The following YBX2 variants were observed in gnomAD, a reference collection of about 807,000 sequenced individuals.
YBX2 encodes the protein Y-box binding protein 2.
A neutral mutation model predicts 44.4 loss-of-function variants in YBX2; 5 were observed. That is an observed-to-expected ratio of 0.11 (90% confidence interval 0.06 to 0.24). The LOEUF (loss-of-function observed/expected upper bound fraction) is 0.24. Among genes scored for constraint, YBX2 ranks in the 10% least tolerant of loss-of-function variants. The pLI is 1.00. For synonymous variants in YBX2, 188 were observed against 216.1 expected, an observed-to-expected ratio of 0.87 and a Z score of 1.14; for missense variants, 417 against 526.9, an observed-to-expected ratio of 0.79 and a Z score of 2.04.
In YBX2 at chr17:7,291,141, G is replaced by A. The variant is rs1466749767; in HGVS notation, c.411C>T (p.Ser137=). ...KRNNPRKFLR[S]VGDGETVEFD... ...ATTCCACAGTCTCCCCATCTCCAACGCTGCGCAGAAACTTCCTGGGGTTGT... is the reference window on the plus strand; with the variant it reads ...ATTCCACAGTCTCCCCATCTCCAACACTGCGCAGAAACTTCCTGGGGTTGT... Residue 137 remains serine, a synonymous_variant, in exon 4 of 9, where the codon AGC becomes AGT. Transcript: ENST00000007699. The surrounding 1 kb of genome is among the most constrained non-coding windows in gnomAD (Gnocchi z 5.8). 18 of 1,613,582 alleles carry A rather than the reference G, an allele frequency of 1.1e-5. No individual in the cohort carries two copies. The highest frequency in any genetic ancestry group is 4.5e-5 in the East Asian group (2 of 44,892).
intron 6 of YBX2, 115 bp from the exon 7 acceptor site, chr17:7,289,840 C>T: frequency 6.3e-7 from 1 of 1,585,702 alleles, no homozygotes; most frequent in Non-Finnish European, 8.6e-7. Context: ...GCACTGCCTC[C>T]CCGCAAGGCA....
Position 7,291,226 on chromosome 17 carries a change from G to C in YBX2, c.370-44C>G, listed in dbSNP as rs1233136424. On this transcript the variant is annotated intron_variant, in intron 3 of 8. Transcript: ENST00000007699. This position sits in a 1 kb window ranked among gnomAD's most constrained non-coding sequence, Gnocchi z 5.8. ...ATGTGAAAAGTGAGACAGCAAGACAGGAGTCTCTGTCACCCCTGCTGGGGC... is the reference window on the plus strand; with the variant it reads ...ATGTGAAAAGTGAGACAGCAAGACACGAGTCTCTGTCACCCCTGCTGGGGC... 1.9e-6 allele frequency: 3 copies of C among 1,594,482 alleles called. No individual in the cohort carries two copies. In the African/African-American group the frequency reaches 4.0e-5, roughly 21 times the overall value.
rs2072502309 is a variant in YBX2 at position 7,291,642 on chromosome 17, C to G, written c.369+384G>C. On this transcript the variant is annotated intron_variant, in intron 3 of 8. Transcript: ENST00000007699. This position sits in a 1 kb window ranked among gnomAD's most constrained non-coding sequence, Gnocchi z 5.8. ...CGATTGTGGAGCCCCAGCCCCAGCT[C>G]TGATTGATTCACCAGGTCTGGGGTG... 2.6e-6 allele frequency: 1 copy of G among 385,118 alleles called. No homozygotes were observed. Among genetic ancestry groups the G allele is most frequent in the African/African-American group, 2.1e-5 (1 of 48,400 alleles). 23.9% of individuals were successfully genotyped at this position (385,118 alleles called of 1,614,324 possible).
In YBX2 at chr17:7,290,524, G is replaced by T. The variant is rs1232338356; in HGVS notation, c.471C>A (p.Ala157=). 6.2e-7 allele frequency: 1 copy of T among 1,611,866 alleles called. No homozygotes were observed. Among genetic ancestry groups the T allele is most frequent in the Admixed American group, 1.7e-5 (1 of 59,918 alleles). The change falls in exon 5 of 9, where the codon GCC becomes GCA. Residue 157 remains alanine, a synonymous_variant. Transcript: ENST00000007699. The part of the protein sequence containing the change: ...DVVEGEKGAE[A]TNVTGPGGVP... ...CTCCCCCAGGCCCAGTTACATTAGT[G>T]GCTTCTGCGCCCTGGGAAGGTGGTA...
Position 7,288,386 on chromosome 17 carries a change from G to C in YBX2, c.*297C>G, listed in dbSNP as rs1407806333. ...GTGGGGGCAAGAAAAGCAACCAGGA[G>C]GAGGTAAGAGCTGGCTGGTTCCTTC... On this transcript the variant is annotated 3_prime_UTR_variant, in exon 9 of 9. Transcript: ENST00000007699. The C allele has an allele frequency of 5.7e-6, 1 of 176,878 alleles. No individual in the cohort carries two copies. Among genetic ancestry groups the C allele is most frequent in the Non-Finnish European group, 1.2e-5 (1 of 82,492 alleles). 11.0% of individuals were successfully genotyped at this position (176,878 alleles called of 1,614,324 possible).
At chr17:7,290,556 T>C in intron 4 of YBX2, 21 bp from the exon 5 acceptor site, 2 of 1,609,116 alleles carry the variant, frequency 1.2e-6, no homozygotes, top group Non-Finnish European at 1.7e-6. Flanking sequence ...GGTAAGGGAA[T>C]AGTGAGAACC....
chr17:7,290,207 C>T (rs1367187379), intron 5 of YBX2, 44 bp downstream of exon 5: 1 of 1,607,674 alleles, frequency 6.2e-7, no homozygotes, highest in Non-Finnish European at 8.5e-7. Context: ...CCACTCCTCT[C>T]CTGAACTTGG....
Position 7,294,114 on chromosome 17 carries a change from G to A in YBX2, c.271+116C>T. 8.9e-7 allele frequency: 1 copy of A among 1,126,506 alleles called. No individual in the cohort carries two copies. 69.8% of individuals were successfully genotyped at this position (1,126,506 alleles called of 1,614,324 possible). On this transcript the variant is annotated intron_variant, in intron 1 of 8. Coordinates refer to ENST00000007699, the MANE Select transcript of YBX2 (RefSeq NM_015982.4). This position sits in a 1 kb window ranked among gnomAD's most constrained non-coding sequence, Gnocchi z 4.6. ...GTGCGCAGCTCCCAGCCCAGTTAGC[G>A]CTCTGGGCCTGCGGGCCAGGCCGCC...
chr17:7,291,019 C>T lies in YBX2; in HGVS notation c.459+74G>A. The T allele has an allele frequency of 6.7e-7, 1 of 1,484,208 alleles. No homozygotes were observed. The highest frequency in any genetic ancestry group is 1.1e-5 in the South Asian group (1 of 88,396). The allele number at this position is 1,484,208 out of a possible 1,614,324, so 91.9% of individuals were successfully genotyped here. A position where few individuals can be genotyped will look rare whatever the true frequency, so the allele number is the denominator to read the frequency against. On this transcript the variant is annotated intron_variant, in intron 4 of 8. Coordinates refer to ENST00000007699, the MANE Select transcript of YBX2 (RefSeq NM_015982.4). The surrounding 1 kb of genome is among the most constrained non-coding windows in gnomAD (Gnocchi z 5.8). ...GGGTCAGAGCTGGCCCCAGGAGGGT[C>T]TTAGCCTGTGATGACCTCCAGGCCA...
At position 7,294,590 on chromosome 17, in the gene YBX2, C is replaced by A; in HGVS notation, c.-90G>T. 1 of 1,237,920 alleles carries A rather than the reference C, an allele frequency of 8.1e-7. No homozygotes were observed. The highest frequency in any genetic ancestry group is 1.0e-6 in the Non-Finnish European group (1 of 989,174). The allele number at this position is 1,237,920 out of a possible 1,614,324, so 76.7% of individuals were successfully genotyped here. A position where few individuals can be genotyped will look rare whatever the true frequency, so the allele number is the denominator to read the frequency against. Reference sequence around the variant, plus strand: ...CACCGCCCTGCTCGGTCCTCGCGCCCCGAGCCTCGCCCACACGCCGGCAGC... The same window carrying A: ...CACCGCCCTGCTCGGTCCTCGCGCCACGAGCCTCGCCCACACGCCGGCAGC... On this transcript the variant is annotated 5_prime_UTR_variant, in exon 1 of 9. Coordinates refer to ENST00000007699, the MANE Select transcript of YBX2 (RefSeq NM_015982.4). This position sits in a 1 kb window ranked among gnomAD's most constrained non-coding sequence, Gnocchi z 4.6.
chr17:7,288,514 G>T lies in YBX2; in HGVS notation c.*169C>A, dbSNP rs933793136. 15 of 429,580 alleles carry T rather than the reference G, an allele frequency of 3.5e-5. No homozygotes were observed. Among genetic ancestry groups the T allele is most frequent in the Non-Finnish European group, 1.3e-5 (3 of 232,524 alleles). 26.6% of individuals were successfully genotyped at this position (429,580 alleles called of 1,614,324 possible). On this transcript the variant is annotated 3_prime_UTR_variant, in exon 9 of 9. Coordinates refer to ENST00000007699, the MANE Select transcript of YBX2 (RefSeq NM_015982.4). ...AGGGAAGAAAAAAGAAAAAGCAAAA[G>T]GCTGCTGCTTTGGTCCTCCTGAGTC...
chr17:7,293,826 A>C, intron 1 of YBX2: 1 of 579,364 alleles, frequency 1.7e-6, no homozygotes, highest in Non-Finnish European at 3.0e-6. Flanking sequence ...CTGGGTACTC[A>C]CCTGGTCTGC....
rs2072487755 is a variant in YBX2, at chr17:7,289,953, G to C, written c.848+15C>G. Reference sequence around the variant, plus strand: ...ACTGGAAGGGGAAGACCAAGCCCCAGCAGGGGGGTCTTACCTTCGGTACCT... The same window carrying C: ...ACTGGAAGGGGAAGACCAAGCCCCACCAGGGGGGTCTTACCTTCGGTACCT... On this transcript the variant is annotated intron_variant, in intron 6 of 8. Coordinates refer to ENST00000007699, the MANE Select transcript of YBX2 (RefSeq NM_015982.4). The C allele has an allele frequency of 4.3e-6, 7 of 1,613,530 alleles. No homozygotes were observed. The highest frequency in any genetic ancestry group is 5.1e-6 in the Non-Finnish European group (6 of 1,179,454).
chr17:7,292,873 G>A (rs745516560), intron 2 of YBX2: 5 of 161,162 alleles, frequency 3.1e-5, no homozygotes, highest in Admixed American at 1.8e-4. Flanking sequence ...GAGCCAGGCC[G>A]GGCAGGATGC....
At chr17:7,289,784 C>G in intron 6 of YBX2, 59 bp from the exon 7 acceptor site, 3 of 1,604,682 alleles carry the variant, frequency 1.9e-6, no homozygotes, top group Non-Finnish European at 2.6e-6. Context: ...CAGGGCTCAC[C>G]CAGCTGCCCC....
intron 8 of YBX2, 28 bp downstream of exon 8, chr17:7,288,718 GGCC>G (rs2072473283): frequency 3.2e-6 from 5 of 1,586,798 alleles, no homozygotes; most frequent in Non-Finnish European, 4.3e-6. Flanking sequence ...TCACCTTCCT[GGCC>G]ACCCACCCAA....
intron 2 of YBX2, 42 bp downstream of exon 2, chr17:7,293,433 G>A: frequency 6.2e-7 from 1 of 1,613,514 alleles, no homozygotes; most frequent in East Asian, 2.2e-5. Flanking sequence ...AGGCCAGCTG[G>A]GAAGACACCC....
Position 7,291,219 on chromosome 17 carries a change from C to T in YBX2, c.370-37G>A. On this transcript the variant is annotated intron_variant, in intron 3 of 8. Coordinates refer to ENST00000007699, the MANE Select transcript of YBX2 (RefSeq NM_015982.4). This position sits in a 1 kb window ranked among gnomAD's most constrained non-coding sequence, Gnocchi z 5.8. ...AAAGGCCATGTGAAAAGTGAGACAG[C>T]AAGACAGGAGTCTCTGTCACCCCTG... is the stretch of plus-strand genomic sequence containing the variant. The T allele has an allele frequency of 6.2e-7, 1 of 1,603,000 alleles. No individual in the cohort carries two copies. The highest frequency in any genetic ancestry group is 1.1e-5 in the South Asian group (1 of 90,792).
At chr17:7,289,912 G>A (rs2072487210) in intron 6 of YBX2, 56 bp downstream of exon 6, 2 of 1,606,548 alleles carry the variant, frequency 1.2e-6, no homozygotes, top group Non-Finnish European at 1.7e-6. Flanking sequence ...CCTGTCCCTT[G>A]CCCCAAGGAT....
Sources: allele counts gnomAD v4.1 joint callset, GRCh38; gene constraint gnomAD v4.1.1; non-coding constraint Gnocchi (gnomAD v3.1); transcripts MANE v1.5; gene names NCBI Gene and HGNC (gene_info 2026-07-23, HGNC 2026-07-21).